Variants in SEC63 observed in about 807,000 individuals in gnomAD.
SEC63 encodes the protein SEC63 protein translocation regulator.
SEC63 carries 56 observed loss-of-function variants against 116.2 expected under a neutral mutation model. The ratio of observed to expected loss-of-function variants is 0.48; its 90% CI spans 0.39 to 0.60. The LOEUF (loss-of-function observed/expected upper bound fraction) is 0.60, where lower values mean the gene tolerates loss of function less well. Ranked by LOEUF, SEC63 falls within the 20% of genes least tolerant of loss-of-function variation. The pLI is 0.00. For synonymous variants in SEC63, 273 were observed against 294.6 expected (o/e 0.93, Z 0.75); for missense variants, 668 against 900.0 (o/e 0.74, Z 3.30).
intron 1 of SEC63, among the ~76,000 whole-genome samples, chr6:107,934,607 C>G (rs1213862023): frequency 1.3e-5 from 2 of 149,502 alleles, no homozygotes; most frequent in Non-Finnish European, 3.0e-5. Context: ...GCAGCCACCC[C>G]GTCCGGGAGG....
At chr6:107,875,488 G>T (rs1031175431) in intron 19 of SEC63, among the ~76,000 whole-genome samples, 1 of 152,128 alleles carries the variant, frequency 6.6e-6, no homozygotes, top group African/African-American at 2.4e-5. Context: ...CTTGAGCTCA[G>T]GAGTTTGAGA....
At chr6:107,943,296 G>C (rs1276684044) in intron 1 of SEC63, among the ~76,000 whole-genome samples, 1 of 152,186 alleles carries the variant, frequency 6.6e-6, no homozygotes, top group Non-Finnish European at 1.5e-5. Flanking sequence ...CCTGTCTATA[G>C]TGTTTGTGTG....
intron 7 of SEC63, 69 bp from the exon 8 acceptor site, chr6:107,909,104 A>C: frequency 1.4e-4 from 153 of 1,070,088 alleles, no homozygotes; most frequent in Non-Finnish European, 2.0e-4. Context: ...GAGATGGCTC[A>C]TTCCTGTAAT....
At chr6:107,920,815 T>C (rs1281554998) in intron 4 of SEC63, among the ~76,000 whole-genome samples, 1 of 152,218 alleles carries the variant, frequency 6.6e-6, no homozygotes, top group Non-Finnish European at 1.5e-5. Context: ...CACTCTATTC[T>C]GCTTCCCAAA....
chr6:107,874,715 G>A (rs1786222476), intron 19 of SEC63, among the ~76,000 whole-genome samples: 1 of 151,448 alleles, frequency 6.6e-6, no homozygotes, highest in South Asian at 2.1e-4. Context: ...TCACTCTGTT[G>A]CCCAGGCTGA....
intron 18 of SEC63, 87 bp from the exon 19 acceptor site, chr6:107,876,749 C>T: frequency 1.2e-6 from 1 of 818,680 alleles, no homozygotes; most frequent in Non-Finnish European, 2.0e-6. Context: ...CCTCTCTTAT[C>T]TTAGAGATCC....
chr6:107,954,552 T>C (rs1306415386), intron 1 of SEC63: 1 of 150,132 alleles, frequency 6.7e-6, no homozygotes, highest in Admixed American at 6.6e-5. Context: ...ACAGACCCTA[T>C]GGGGTCTAAA....
intron 4 of SEC63, among the ~76,000 whole-genome samples, chr6:107,917,460 C>A (rs535966420): frequency 6.6e-6 from 1 of 151,806 alleles, no homozygotes; most frequent in African/African-American, 2.4e-5. Flanking sequence ...AATGTTTAAA[C>A]GAAAAAAGAC....
At chr6:107,876,009 T>C (rs766408435) in intron 19 of SEC63, among the ~76,000 whole-genome samples, 1 of 152,118 alleles carries the variant, frequency 6.6e-6, no homozygotes, top group African/African-American at 2.4e-5. Context: ...TGAAAAGCTT[T>C]TGTCCACCAA....
intron 18 of SEC63, among the ~76,000 whole-genome samples, chr6:107,878,672 A>G (rs1038383249): frequency 6.6e-6 from 1 of 152,172 alleles, no homozygotes; most frequent in South Asian, 2.1e-4. Context: ...CCTGACCAAC[A>G]TGGAGAAACC....
chr6:107,938,247 A>ATTTTTTTT (rs4028676), intron 1 of SEC63, among the ~76,000 whole-genome samples: 1 of 133,978 alleles, frequency 7.5e-6, no homozygotes, highest in Non-Finnish European at 1.5e-5. Context: ...TGGTGAGTTA[A>ATTTTTTTT]TTTTTTTTTT....
chr6:107,869,448 T>C lies in SEC63; in HGVS notation c.*2256A>G, dbSNP rs907888645. 7.2e-5 allele frequency: 11 copies of C among 152,198 alleles called. No individual in the cohort carries two copies. The highest frequency in any genetic ancestry group is 4.6e-4 in the Admixed American group (7 of 15,280). 9.4% of individuals were successfully genotyped at this position (152,198 alleles called of 1,614,324 possible). On this transcript the variant is annotated 3_prime_UTR_variant, in exon 21 of 21. Coordinates refer to ENST00000369002, the MANE Select transcript of SEC63 (RefSeq NM_007214.5). ...CACTTCCTATACACTGTATGATCTA[T>C]AGGCTCATCAATTGTTGACAAAATG... is the stretch of plus-strand genomic sequence containing the variant.
intron 1 of SEC63, among the ~76,000 whole-genome samples, chr6:107,950,055 T>C (rs926117678): frequency 1.3e-5 from 2 of 152,150 alleles, no homozygotes; most frequent in Admixed American, 1.3e-4. Flanking sequence ...ACTCACTTTA[T>C]ATCCAAAGAC....
intron 4 of SEC63, among the ~76,000 whole-genome samples, chr6:107,916,551 T>C (rs995052184): frequency 6.6e-6 from 1 of 152,262 alleles, no homozygotes; most frequent in Admixed American, 6.5e-5. Context: ...GCAAACTTCT[T>C]ATTGCACTTT....
chr6:107,928,714 C>A (rs2114486710), intron 2 of SEC63, among the ~76,000 whole-genome samples: 2 of 152,284 alleles, frequency 1.3e-5, no homozygotes, highest in East Asian at 3.9e-4. Context: ...AATGGTAACT[C>A]TCTCACCTCC....
At chr6:107,951,379 A>C (rs1562342969) in intron 1 of SEC63, among the ~76,000 whole-genome samples, 1 of 152,156 alleles carries the variant, frequency 6.6e-6, no homozygotes, top group Non-Finnish European at 1.5e-5. Context: ...CTGGCTTTTA[A>C]CTCCCAGAAC....
chr6:107,932,824 T>C (rs1787842877), intron 1 of SEC63, among the ~76,000 whole-genome samples: 2 of 152,022 alleles, frequency 1.3e-5, no homozygotes, highest in African/African-American at 4.8e-5. Flanking sequence ...CTAAATACCA[T>C]TCTCCACTAA....
In SEC63 at chr6:107,867,795, T is replaced by C. The variant is rs535673894; in HGVS notation, c.*3909A>G. 6.6e-6 allele frequency: 1 copy of C among 151,680 alleles called. No homozygotes were observed. Among genetic ancestry groups the C allele is most frequent in the South Asian group, 2.1e-4 (1 of 4,808 alleles). The allele number at this position is 151,680 out of a possible 1,614,324, so 9.4% of individuals were successfully genotyped here. On this transcript the variant is annotated 3_prime_UTR_variant, in exon 21 of 21. Coordinates refer to ENST00000369002, the MANE Select transcript of SEC63 (RefSeq NM_007214.5). ...AATGTTTATTTATAAATAATAGAAG[T>C]GTACAATTGTACAATATATTATGTA...
Position 107,912,607 on chromosome 6 carries a change from C to T in SEC63, c.573+109G>A, listed in dbSNP as rs989673475. On this transcript the variant is annotated intron_variant, in intron 6 of 20. Transcript: ENST00000369002. Reference sequence around the variant, plus strand: ...CTCAAATGAATGAATGAATGAATGGCACACCAGTATTTTCTTTGTAATAGT... The same window carrying T: ...CTCAAATGAATGAATGAATGAATGGTACACCAGTATTTTCTTTGTAATAGT... 8.3e-6 allele frequency: 6 copies of T among 725,604 alleles called. No individual in the cohort carries two copies. The African/African-American group carries it at 1.1e-4, about 13-fold the overall frequency. 44.9% of individuals were successfully genotyped at this position (725,604 alleles called of 1,614,324 possible).
Sources: gnomAD v4.1 joint callset for allele counts (sites outside exome capture counted in the v4.1 genomes callset) on GRCh38, gnomAD v4.1.1 for gene constraint, MANE v1.5 for transcripts, NCBI Gene and HGNC (gene_info 2026-07-23, HGNC 2026-07-21) for gene names.